ADARB2: variants seen among roughly 807,000 people sequenced by gnomAD.
The protein encoded by ADARB2 is inactive double-stranded RNA-specific editase B2.
ADARB2 carries 25 observed loss-of-function variants against 62.2 expected under a neutral mutation model. The ratio of observed to expected loss-of-function variants is 0.40; its 90% CI spans 0.29 to 0.56. The LOEUF is 0.56. Among genes scored for constraint, ADARB2 ranks in the 20% least tolerant of loss-of-function variants. The pLI, the probability that ADARB2 is intolerant of heterozygous loss-of-function variation, is 0.43. For missense variants in ADARB2, 1,071 were observed against 1,077.4 expected, an observed-to-expected ratio of 0.99 and a Z score of 0.08; for synonymous variants, 572 against 500.8, an observed-to-expected ratio of 1.14 and a Z score of -1.90.
chr10:1,494,047 T>C lies in ADARB2; in HGVS notation c.101-114887A>G, dbSNP rs187810987. ...GGGATTACATGTGAGCCACCGCACCTGGCCCATAATAGGGCATTCTTATGC... is the reference window on the plus strand; with the variant it reads ...GGGATTACATGTGAGCCACCGCACCCGGCCCATAATAGGGCATTCTTATGC... On this transcript the variant is annotated intron_variant, in intron 1 of 9. Transcript: ENST00000381312. 2.7e-3 allele frequency among the ~76,000 whole-genome samples: 407 copies of C among 152,230 alleles called. 2 individuals are homozygous for C. Among genetic ancestry groups the C allele is most frequent in the Non-Finnish European group, 3.0e-3 (201 of 68,010 alleles).
intron 1 of ADARB2, among the ~76,000 whole-genome samples, chr10:1,510,096 T>TTTCTTTCTCCC: frequency 8.0e-6 from 1 of 124,760 alleles, no homozygotes; most frequent in South Asian, 2.7e-4. Context: ...TCTCTCTCTC[T>TTTCTTTCTCCC]TTTCTTTCTT....
At chr10:1,630,379 A>G (rs1265358859) in intron 1 of ADARB2, among the ~76,000 whole-genome samples, 1 of 151,994 alleles carries the variant, frequency 6.6e-6, no homozygotes, top group Non-Finnish European at 1.5e-5. Context: ...AGGGCTTCCT[A>G]CCCAGCGGTG....
intron 1 of ADARB2, among the ~76,000 whole-genome samples, chr10:1,684,109 A>C (rs1340068653): frequency 2.0e-5 from 3 of 152,252 alleles, no homozygotes. Context: ...TAGGAGAAGC[A>C]AACTATGGAG....
At chr10:1,326,388 C>A (rs890468100) in intron 3 of ADARB2, among the ~76,000 whole-genome samples, 2 of 152,216 alleles carry the variant, frequency 1.3e-5, no homozygotes, top group East Asian at 3.9e-4. Flanking sequence ...ACTATCTGAA[C>A]CATTCTGTGA....
rs896930672 is a variant in ADARB2 at position 1,189,929 on chromosome 10, C to G, written c.1865-4890G>C. 1.4e-4 allele frequency among the ~76,000 whole-genome samples: 21 copies of G among 146,922 alleles called. No individual in the cohort carries two copies. In the East Asian group the frequency reaches 4.0e-3, roughly 28 times the overall value. ...CCAGAACACGTGGCGCTACCTCCTT[C>G]CCCCGAACACGTGGCGCTACCTCCT... On this transcript the variant is annotated intron_variant, in intron 8 of 9. Coordinates refer to ENST00000381312, the MANE Select transcript of ADARB2 (RefSeq NM_018702.4).
intron 1 of ADARB2, among the ~76,000 whole-genome samples, chr10:1,657,693 A>C (rs1435554708): frequency 1.3e-5 from 2 of 152,200 alleles, no homozygotes; most frequent in African/African-American, 4.8e-5. Context: ...ATGTCCTCTA[A>C]GCCGAGCGCA....
chr10:1,665,828 C>T (rs1404739575), intron 1 of ADARB2, among the ~76,000 whole-genome samples: 1 of 152,232 alleles, frequency 6.6e-6, no homozygotes, highest in African/African-American at 2.4e-5. Flanking sequence ...GGCATGGATG[C>T]TTCGAAGGCT....
rs201090457 is a variant in ADARB2 at position 1,712,560 on chromosome 10, GC to G, written c.100+24490del. Among the ~76,000 whole-genome samples the G allele has an allele frequency of 8.5e-3, 1,299 of 151,956 alleles. 33 individuals are homozygous for G. The highest frequency in any genetic ancestry group is 0.07 in the Admixed American group (1,064 of 15,270). ...GAAGCAACCCGGGAGGATTGGGAAA[GC>G]CCCCCTTATCCTACCCAGAAAGCTC... On this transcript the variant is annotated intron_variant, in intron 1 of 9. Transcript: ENST00000381312.
At chr10:1,496,065 C>A (rs550471875) in intron 1 of ADARB2, among the ~76,000 whole-genome samples, 3 of 151,010 alleles carry the variant, frequency 2.0e-5, no homozygotes, top group Non-Finnish European at 3.0e-5. Context: ...TTCATCATCA[C>A]CATCACTATT....
intron 1 of ADARB2, among the ~76,000 whole-genome samples, chr10:1,469,148 C>A (rs763383119): frequency 2.6e-4 from 40 of 152,182 alleles, no homozygotes; most frequent in Non-Finnish European, 5.3e-4. Flanking sequence ...CTGAAAGAGT[C>A]GTTTCTATTA....
At chr10:1,184,624 C>T (rs1055040202) in intron 9 of ADARB2, among the ~76,000 whole-genome samples, 36 of 152,264 alleles carry the variant, frequency 2.4e-4, no homozygotes, top group African/African-American at 8.2e-4. Flanking sequence ...CAATGAGCTC[C>T]TTTCCTGCTT....
intron 1 of ADARB2, among the ~76,000 whole-genome samples, chr10:1,612,102 T>G (rs879676757): frequency 3.3e-5 from 5 of 152,186 alleles, no homozygotes; most frequent in African/African-American, 7.2e-5. Flanking sequence ...TGGCAGGTCC[T>G]GTGACTCGGT....
intron 1 of ADARB2, among the ~76,000 whole-genome samples, chr10:1,380,529 C>T (rs2820605): frequency 0.059 from 9,008 of 152,270 alleles, 944 homozygotes; most frequent in African/African-American, 0.2. Flanking sequence ...GGCCTTCAGG[C>T]GTCCAGACTC....
chr10:1,249,441 CAA>C (rs59037749), intron 4 of ADARB2, among the ~76,000 whole-genome samples: 836 of 74,324 alleles, frequency 0.011, 6 homozygotes, highest in African/African-American at 0.027. Context: ...GACCCTGTCT[CAA>C]AAAAAAAAAA....
At chr10:1,285,047 TA>T (rs1831400713) in intron 3 of ADARB2, among the ~76,000 whole-genome samples, 1 of 152,100 alleles carries the variant, frequency 6.6e-6, no homozygotes, top group South Asian at 2.1e-4. Flanking sequence ...CTTTGCAATA[TA>T]GAAAGCCCTG....
chr10:1,437,656 T>C (rs1830848682), intron 1 of ADARB2, among the ~76,000 whole-genome samples: 1 of 152,164 alleles, frequency 6.6e-6, no homozygotes, highest in Non-Finnish European at 1.5e-5. Flanking sequence ...TCCAAGTGCA[T>C]CTGAGCCCTG....
At chr10:1,236,285 C>A (rs1376630391) in intron 5 of ADARB2, among the ~76,000 whole-genome samples, 1 of 29,556 alleles carries the variant, frequency 3.4e-5, no homozygotes, top group African/African-American at 2.0e-4. Flanking sequence ...TCCCCTCTGC[C>A]TCCCGGTGTT....
intron 1 of ADARB2, among the ~76,000 whole-genome samples, chr10:1,585,197 G>A (rs565666924): frequency 6.6e-6 from 1 of 152,154 alleles, no homozygotes; most frequent in East Asian, 1.9e-4. Flanking sequence ...CAGTGGGGGA[G>A]GCTGCGACTA....
intron 4 of ADARB2, among the ~76,000 whole-genome samples, chr10:1,260,072 C>T (rs1029914098): frequency 1.3e-5 from 2 of 151,742 alleles, no homozygotes; most frequent in Non-Finnish European, 2.9e-5. Flanking sequence ...TCAATAGATG[C>T]AGAAAAGGCC....
Sources: allele counts gnomAD v4.1 joint callset (sites outside exome capture counted in the v4.1 genomes callset), GRCh38; gene constraint gnomAD v4.1.1; transcripts MANE v1.5; gene names NCBI Gene and HGNC (gene_info 2026-07-23, HGNC 2026-07-21).